The following PIK3C2G variants were observed in gnomAD, a reference collection of about 807,000 sequenced individuals.
PIK3C2G encodes the protein phosphatidylinositol-4-phosphate 3-kinase catalytic subunit type 2 gamma, also known as phosphatidylinositol 3-kinase C2 domain-containing subunit gamma.
PIK3C2G carries 168 observed loss-of-function variants against 181.1 expected under a neutral mutation model. The observed-to-expected ratio is 0.93, with a 90% CI of 0.82 to 1.05. The LOEUF is 1.05. PIK3C2G is among the 50% of genes least tolerant of loss of function. The pLI, the probability that PIK3C2G is intolerant of heterozygous loss-of-function variation, is 0.00. For synonymous variants in PIK3C2G, 573 were observed against 592.2 expected (o/e 0.97, Z 0.47); for missense variants, 1,869 against 1,732.8 (o/e 1.08, Z -1.40).
intron 24 of PIK3C2G, among the ~76,000 whole-genome samples, chr12:18,512,120 A>G (rs972851778): frequency 1.7e-4 from 26 of 152,024 alleles, no homozygotes; most frequent in Admixed American, 1.2e-3. Context: ...CAAGTTGACC[A>G]TAAATGCATG....
intron 24 of PIK3C2G, among the ~76,000 whole-genome samples, chr12:18,537,632 A>G (rs1943929807): frequency 1.3e-5 from 2 of 152,022 alleles, no homozygotes; most frequent in African/African-American, 4.8e-5. Context: ...AGTGTGAAAT[A>G]AAATATAGCT....
intron 31 of PIK3C2G, among the ~76,000 whole-genome samples, chr12:18,621,195 G>A (rs1336895425): frequency 6.6e-6 from 1 of 150,644 alleles, no homozygotes; most frequent in African/African-American, 2.4e-5. Context: ...GCAGTTCAAA[G>A]CAATTTGAAA....
the PIK3C2G span, among the ~76,000 whole-genome samples, chr12:18,690,709 G>A: frequency 2.0e-5 from 3 of 152,170 alleles, no homozygotes; most frequent in African/African-American, 7.2e-5. Flanking sequence ...AAAAAGACAT[G>A]ATTCCTAAGT....
intron 18 of PIK3C2G, among the ~76,000 whole-genome samples, chr12:18,467,903 G>A (rs916958969): frequency 1.3e-5 from 2 of 152,002 alleles, no homozygotes; most frequent in African/African-American, 4.8e-5. Context: ...CTAGGCTCAT[G>A]ATACCATTAT....
chr12:18,343,505 G>A (rs17847786), intron 10 of PIK3C2G, 145 bp downstream of exon 10: 1 of 421,980 alleles, frequency 2.4e-6, no homozygotes, highest in South Asian at 5.2e-5. Context: ...GCTTTTTGAG[G>A]AGAAAGATGC....
At chr12:18,564,829 GAATATGTT>G (rs1945537145) in intron 28 of PIK3C2G, among the ~76,000 whole-genome samples, 1 of 152,064 alleles carries the variant, frequency 6.6e-6, no homozygotes, top group Non-Finnish European at 1.5e-5. Context: ...TAATTGAGAA[GAATATGTT>G]AATCTTTGTT....
chr12:18,554,034 C>G (rs541370840), intron 26 of PIK3C2G, among the ~76,000 whole-genome samples: 1 of 152,148 alleles, frequency 6.6e-6, no homozygotes, highest in East Asian at 1.9e-4. Flanking sequence ...TGAAGTCATT[C>G]AACAATGACT....
chr12:18,647,895 C>A lies in PIK3C2G; in HGVS notation c.4328C>A (p.Thr1443Lys). ...YNEIVVYDEV[T>K]ELQGHVLMLI... Reference sequence around the variant, plus strand: ...TTTTAGGTAGTATATGATGAAGTCACAGAGCTCCAAGGACATGTCTTAATG... The same window carrying A: ...TTTTAGGTAGTATATGATGAAGTCAAAGAGCTCCAAGGACATGTCTTAATG... Residue 1443 changes from threonine to lysine, a missense_variant, in exon 33 of 33, where the codon ACA becomes AAA. Coordinates refer to ENST00000538779, the MANE Select transcript of PIK3C2G (RefSeq NM_001288772.2). The A allele has an allele frequency of 6.4e-7, 1 of 1,564,024 alleles. No homozygotes were observed. Among genetic ancestry groups the A allele is most frequent in the Non-Finnish European group, 8.7e-7 (1 of 1,152,914 alleles).
intron 12 of PIK3C2G, among the ~76,000 whole-genome samples, chr12:18,368,053 C>G (rs1941766440): frequency 6.6e-6 from 1 of 152,126 alleles, no homozygotes; most frequent in African/African-American, 2.4e-5. Flanking sequence ...CACTCACTAT[C>G]ATGAGAACAA....
intron 24 of PIK3C2G, among the ~76,000 whole-genome samples, chr12:18,526,040 AAT>A (rs1446927380): frequency 3.3e-5 from 5 of 152,190 alleles, no homozygotes; most frequent in East Asian, 1.9e-4. Context: ...TATTATTTTC[AAT>A]AGTTAATTAC....
intron 15 of PIK3C2G, among the ~76,000 whole-genome samples, chr12:18,393,239 CATAAA>C (rs550093569): frequency 1.2e-3 from 186 of 152,106 alleles, no homozygotes; most frequent in African/African-American, 4.3e-3. Context: ...TAATAACACT[CATAAA>C]ATAAGCAACA....
intron 29 of PIK3C2G, among the ~76,000 whole-genome samples, chr12:18,570,163 T>G (rs116147374): frequency 6.6e-6 from 1 of 152,274 alleles, no homozygotes; most frequent in African/African-American, 2.4e-5. Flanking sequence ...TTATTCAGGT[T>G]TACAATGTGC....
intron 14 of PIK3C2G, among the ~76,000 whole-genome samples, chr12:18,382,324 C>T (rs1290211571): frequency 6.6e-6 from 1 of 152,124 alleles, no homozygotes; most frequent in Non-Finnish European, 1.5e-5. Context: ...AAAAAAACTG[C>T]AAAGTAATTA....
intron 12 of PIK3C2G, among the ~76,000 whole-genome samples, chr12:18,367,341 G>C (rs1370581985): frequency 3.9e-5 from 6 of 152,204 alleles, no homozygotes; most frequent in African/African-American, 1.2e-4. Context: ...AGAAAACAAA[G>C]AGAGGACGTT....
chr12:18,713,091 A>C, the PIK3C2G span: 1 of 1,415,996 alleles, frequency 7.1e-7, no homozygotes, highest in African/African-American at 1.4e-5. Flanking sequence ...ATAAATGCAT[A>C]AATGAGTCCA....
chr12:18,340,882 A>G (rs904584630), intron 9 of PIK3C2G, among the ~76,000 whole-genome samples: 2 of 152,040 alleles, frequency 1.3e-5, no homozygotes, highest in Admixed American at 1.3e-4. Context: ...CTTTCCCACA[A>G]CGCCAATATG....
In PIK3C2G at chr12:18,490,389, T is replaced by C. The variant is rs144218428; in HGVS notation, c.2686-1062T>C. Among the ~76,000 whole-genome samples the C allele has an allele frequency of 7.1e-3, 1,087 of 152,308 alleles. 22 individuals are homozygous for C. In the South Asian group the frequency reaches 0.072, roughly 10 times the overall value. On this transcript the variant is annotated intron_variant, in intron 19 of 32. Coordinates refer to ENST00000538779, the MANE Select transcript of PIK3C2G (RefSeq NM_001288772.2). ...TTCTGAATTGGGCTCAAAAAGTTTC[T>C]TTTTTAATTTTCAATTTTAAAATGC...
At chr12:18,253,655 G>A (rs1364536138) in intron 1 of PIK3C2G, among the ~76,000 whole-genome samples, 6 of 152,110 alleles carry the variant, frequency 3.9e-5, no homozygotes, top group Admixed American at 2.0e-4. Flanking sequence ...CACAGTGACC[G>A]CCACACTCTG....
Position 18,601,287 on chromosome 12 carries a change from TA to T in PIK3C2G, c.4087+6731del, listed in dbSNP as rs397748081. On this transcript the variant is annotated intron_variant, in intron 30 of 32. Coordinates refer to ENST00000538779, the MANE Select transcript of PIK3C2G (RefSeq NM_001288772.2). Reference sequence around the variant, plus strand: ...ACAAAACAACCAATAAAATAAAAATTAAAAAAAAAAAAATCCTGTCATTTGT... The same window carrying T: ...ACAAAACAACCAATAAAATAAAAATTAAAAAAAAAAAATCCTGTCATTTGT... Among the ~76,000 whole-genome samples the T allele has an allele frequency of 1.5e-3, 207 of 142,400 alleles. 1 individual carries two copies. Among genetic ancestry groups the T allele is most frequent in the Middle Eastern group, 7.1e-3 (2 of 282 alleles). 93.4% of individuals were successfully genotyped at this position (142,400 alleles called of 152,430 possible). A position where few individuals can be genotyped will look rare whatever the true frequency, so the allele number is the denominator to read the frequency against.
Sources: gnomAD v4.1 joint callset for allele counts (sites outside exome capture counted in the v4.1 genomes callset) on GRCh38, gnomAD v4.1.1 for gene constraint, MANE v1.5 for transcripts, NCBI Gene and HGNC (gene_info 2026-07-23, HGNC 2026-07-21) for gene names.